KDM5A: variants seen among roughly 807,000 people sequenced by gnomAD.
KDM5A encodes the protein lysine-specific demethylase 5A.
In KDM5A, 42 loss-of-function variants were observed where a neutral mutation model predicts 193.5. That is an observed-to-expected ratio of 0.22 (90% CI 0.17 to 0.28). The LOEUF (loss-of-function observed/expected upper bound fraction) is 0.28. Among genes scored for constraint, KDM5A ranks in the 10% least tolerant of loss-of-function variants. The probability of loss-of-function intolerance (pLI) is 1.00; values close to 1 mark genes in which losing one functional copy is unlikely to be tolerated. For synonymous variants in KDM5A, 796 were observed against 718.1 expected (o/e 1.11, Z -1.73); for missense variants, 1,692 against 2,055.1 (o/e 0.82, Z 3.42).
intron 24 of KDM5A, among the ~76,000 whole-genome samples, chr12:300,995 C>T (rs569306995): frequency 6.6e-6 from 1 of 152,164 alleles, no homozygotes; most frequent in Non-Finnish European, 1.5e-5. Flanking sequence ...AGTTGAATCC[C>T]TGAATAGACC....
At chr12:331,401 A>G (rs1397445295) in intron 13 of KDM5A, among the ~76,000 whole-genome samples, 1 of 152,220 alleles carries the variant, frequency 6.6e-6, no homozygotes, top group African/African-American at 2.4e-5. Flanking sequence ...TTAGAAAAGA[A>G]GGATTCAGAA....
intron 24 of KDM5A, among the ~76,000 whole-genome samples, chr12:299,166 G>A (rs965703154): frequency 3.9e-5 from 6 of 152,200 alleles, no homozygotes; most frequent in African/African-American, 1.4e-4. Flanking sequence ...TAGCAAGGCA[G>A]GCCAACATTC....
intron 4 of KDM5A, among the ~76,000 whole-genome samples, chr12:364,867 G>C (rs533591455): frequency 6.6e-5 from 10 of 150,794 alleles, no homozygotes; most frequent in African/African-American, 2.2e-4. Context: ...CTACCCAAGA[G>C]AAATGAAAAC....
chr12:373,353 C>G (rs1243926676), intron 3 of KDM5A, among the ~76,000 whole-genome samples: 2 of 152,166 alleles, frequency 1.3e-5, no homozygotes. Context: ...TTATCCATTT[C>G]TTCTAGATTT....
intron 5 of KDM5A, among the ~76,000 whole-genome samples, chr12:361,622 G>A (rs1350540382): frequency 2.6e-5 from 4 of 152,056 alleles, no homozygotes; most frequent in Non-Finnish European, 5.9e-5. Flanking sequence ...GAGCAATTGG[G>A]GCAACTCTTC....
chr12:341,409 CAA>C (rs1944003082), intron 10 of KDM5A, among the ~76,000 whole-genome samples: 1 of 152,070 alleles, frequency 6.6e-6, no homozygotes, highest in African/African-American at 2.4e-5. Context: ...TGGTAAATCC[CAA>C]AGTCTATTCT....
chr12:384,359 GA>G (rs1944614132), intron 2 of KDM5A, among the ~76,000 whole-genome samples: 1 of 152,148 alleles, frequency 6.6e-6, no homozygotes, highest in South Asian at 2.1e-4. Context: ...GCGTGTGAGG[GA>G]TTTAGGTTGT....
intron 24 of KDM5A, among the ~76,000 whole-genome samples, chr12:305,969 GTTTTTTTTT>G (rs3038312): frequency 9.6e-6 from 1 of 104,218 alleles, no homozygotes; most frequent in African/African-American, 3.9e-5. Flanking sequence ...CAATGGAAGT[GTTTTTTTTT>G]TTTTTTTTTT....
chr12:299,243 C>T (rs937301253), intron 24 of KDM5A, among the ~76,000 whole-genome samples: 3 of 152,128 alleles, frequency 2.0e-5, no homozygotes, highest in African/African-American at 7.2e-5. Flanking sequence ...AGACACATAA[C>T]TGTCAGATTC....
intron 24 of KDM5A, among the ~76,000 whole-genome samples, chr12:303,913 G>C (rs978661230): frequency 6.6e-5 from 10 of 152,282 alleles, no homozygotes; most frequent in African/African-American, 2.2e-4. Flanking sequence ...CTGCCTTTAA[G>C]CAAAAGGAAG....
intron 27 of KDM5A, among the ~76,000 whole-genome samples, chr12:291,513 A>G (rs1164460378): frequency 6.6e-6 from 1 of 152,182 alleles, no homozygotes. Context: ...TCCTGGTTGC[A>G]TCATCTGTAA....
intron 10 of KDM5A, among the ~76,000 whole-genome samples, chr12:350,376 C>A (rs546634493): frequency 2.1e-5 from 3 of 141,900 alleles, no homozygotes; most frequent in Non-Finnish European, 4.5e-5. Flanking sequence ...GTGGAGGTTG[C>A]GGTGAGCTAA....
Position 331,806 on chromosome 12 carries a change from C to T in KDM5A, c.1773+13G>A. 1 of 1,613,766 alleles carries T rather than the reference C, an allele frequency of 6.2e-7. No individual in the cohort carries two copies. The highest frequency in any genetic ancestry group is 8.5e-7 in the Non-Finnish European group (1 of 1,179,786). Reference sequence around the variant, plus strand: ...TTAGTAGACGTACAACAGCCACTTGCTATAGAACAGACCCAGTCAGCAGTA... The same window carrying T: ...TTAGTAGACGTACAACAGCCACTTGTTATAGAACAGACCCAGTCAGCAGTA... On this transcript the variant is annotated intron_variant, in intron 13 of 27. Coordinates refer to ENST00000399788, the MANE Select transcript of KDM5A (RefSeq NM_001042603.3).
At chr12:323,375 A>G (rs909423846) in intron 15 of KDM5A, among the ~76,000 whole-genome samples, 169 bp from the exon 16 acceptor site, 3 of 152,206 alleles carry the variant, frequency 2.0e-5, no homozygotes, top group African/African-American at 7.2e-5. Context: ...ACCAGCCCAC[A>G]CTTCTTAATT....
Position 323,663 on chromosome 12 carries a change from C to A in KDM5A, c.2087G>T (p.Arg696Leu), listed in dbSNP as rs1326148362. ...AGTTGGATGGTAGAGACATACAAGCCGCTCAGGATTACAGGAACATGTGAG... is the reference window on the plus strand; with the variant it reads ...AGTTGGATGGTAGAGACATACAAGCAGCTCAGGATTACAGGAACATGTGAG... ...SALTCSCNPE[R>L]LVCLYHPTDL... The change falls in exon 15 of 28, where the codon CGG becomes CTG. Residue 696 changes from arginine to leucine, a missense_variant. By Grantham distance (102) the Arg-to-Leu change is moderately radical. Transcript: ENST00000399788. 4.3e-6 allele frequency: 7 copies of A among 1,614,086 alleles called. No homozygotes were observed. Among genetic ancestry groups the A allele is most frequent in the Non-Finnish European group, 5.9e-6 (7 of 1,179,986 alleles).
intron 24 of KDM5A, among the ~76,000 whole-genome samples, chr12:305,968 TG>T (rs537248328): frequency 7.5e-6 from 1 of 133,184 alleles, no homozygotes; most frequent in African/African-American, 3.1e-5. Flanking sequence ...GCAATGGAAG[TG>T]TTTTTTTTTT....
rs1332756516 is a variant in KDM5A, at chr12:282,480, T to G, written c.*2976A>C. 9.4e-5 allele frequency: 22 copies of G among 233,236 alleles called. No individual in the cohort carries two copies. In the East Asian group the frequency reaches 1.3e-3, roughly 14 times the overall value. The allele number at this position is 233,236 out of a possible 1,614,324, so 14.4% of individuals were successfully genotyped here. On this transcript the variant is annotated 3_prime_UTR_variant, in exon 28 of 28. Transcript: ENST00000399788. ...CATGCATCTACACATCAACATGGCT[T>G]TGCTGCAGTACCTATCAGGAAGCAA... is the stretch of plus-strand genomic sequence containing the variant.
chr12:346,006 T>C (rs1944069166), intron 10 of KDM5A, among the ~76,000 whole-genome samples: 1 of 151,752 alleles, frequency 6.6e-6, no homozygotes, highest in Admixed American at 6.6e-5. Flanking sequence ...TCAACAAAAT[T>C]GATAGACCAC....
At chr12:304,547 G>T (rs757228192) in intron 24 of KDM5A, among the ~76,000 whole-genome samples, 2 of 144,256 alleles carry the variant, frequency 1.4e-5, no homozygotes, top group Non-Finnish European at 3.0e-5. Flanking sequence ...AAGTAAATTT[G>T]AACTTGAATT....
Sources: gnomAD v4.1 joint callset for allele counts (sites outside exome capture counted in the v4.1 genomes callset) on GRCh38, gnomAD v4.1.1 for gene constraint, MANE v1.5 for transcripts, NCBI Gene and HGNC (gene_info 2026-07-23, HGNC 2026-07-21) for gene names.